Variants in CNTNAP2 observed in about 807,000 individuals in gnomAD.
CNTNAP2 encodes contactin-associated protein-like 2.
In CNTNAP2, 98 loss-of-function variants were observed where a neutral mutation model predicts 155.2. The observed-to-expected ratio is 0.63, with a 90% CI of 0.54 to 0.75. The LOEUF is 0.75. Ranked by LOEUF, CNTNAP2 falls within the 30% of genes least tolerant of loss-of-function variation. The pLI, the probability that CNTNAP2 is intolerant of heterozygous loss-of-function variation, is 0.00. For missense variants in CNTNAP2, 1,727 were observed against 1,688.1 expected (o/e 1.02, Z -0.40); for synonymous variants, 651 against 631.2 (o/e 1.03, Z -0.47).
At chr7:146,994,705 G>T (rs530187892) in intron 3 of CNTNAP2, among the ~76,000 whole-genome samples, 1 of 152,082 alleles carries the variant, frequency 6.6e-6, no homozygotes, top group African/African-American at 2.4e-5. Context: ...TATCTGTGGT[G>T]ATTTAAAACT....
At chr7:148,403,221 T>C (rs2530315) in intron 22 of CNTNAP2, among the ~76,000 whole-genome samples, 150,268 of 150,720 alleles carry the variant, frequency 1, 74,911 homozygotes, top group Middle Eastern at 1. Context: ...GGCCTGTGCT[T>C]GGTGGAGGAG....
chr7:147,795,219 G>A (rs1203120932), intron 13 of CNTNAP2, among the ~76,000 whole-genome samples: 1 of 150,676 alleles, frequency 6.6e-6, no homozygotes, highest in Non-Finnish European at 1.5e-5. Context: ...CAATCTATCT[G>A]GTTTCTTTGA....
chr7:146,247,238 AGG>A (rs1220829059), intron 1 of CNTNAP2, among the ~76,000 whole-genome samples: 1 of 152,184 alleles, frequency 6.6e-6, no homozygotes, highest in Non-Finnish European at 1.5e-5. Context: ...AGGTCTGATA[AGG>A]AAAAAGGAGC....
chr7:147,701,515 T>C (rs1796235860), intron 13 of CNTNAP2, among the ~76,000 whole-genome samples: 1 of 152,196 alleles, frequency 6.6e-6, no homozygotes, highest in African/African-American at 2.4e-5. Context: ...TTTTATTAAA[T>C]TACATATCCA....
chr7:147,958,686 A>G (rs1186218107), intron 14 of CNTNAP2, among the ~76,000 whole-genome samples: 1 of 152,220 alleles, frequency 6.6e-6, no homozygotes, highest in Non-Finnish European at 1.5e-5. Flanking sequence ...TTATCATACA[A>G]ATTCTAACAT....
At chr7:146,747,336 A>T (rs560764656) in intron 1 of CNTNAP2, among the ~76,000 whole-genome samples, 1 of 152,286 alleles carries the variant, frequency 6.6e-6, no homozygotes, top group Admixed American at 6.5e-5. Context: ...TATGGCGTAG[A>T]ATTTAGTCTT....
intron 1 of CNTNAP2, among the ~76,000 whole-genome samples, chr7:146,180,062 C>T (rs1270649990): frequency 6.6e-6 from 1 of 152,124 alleles, no homozygotes; most frequent in Middle Eastern, 3.2e-3. Context: ...AAGCACTAAA[C>T]TCTGTATGTT....
intron 21 of CNTNAP2, among the ~76,000 whole-genome samples, chr7:148,354,566 G>T (rs1181025886): frequency 1.3e-5 from 2 of 152,052 alleles, no homozygotes; most frequent in Non-Finnish European, 2.9e-5. Flanking sequence ...GTCCTCAGGA[G>T]CTCAAAAGAA....
At chr7:147,348,005 A>G (rs1259053121) in intron 9 of CNTNAP2, among the ~76,000 whole-genome samples, 1 of 151,914 alleles carries the variant, frequency 6.6e-6, no homozygotes, top group African/African-American at 2.4e-5. Context: ...CTAGACCCCC[A>G]CCTCACACAT....
chr7:147,888,832 C>G (rs1173629682), intron 13 of CNTNAP2, among the ~76,000 whole-genome samples: 1 of 150,986 alleles, frequency 6.6e-6, no homozygotes, highest in Non-Finnish European at 1.5e-5. Flanking sequence ...ACATACTACC[C>G]TCTGACCCTA....
intron 13 of CNTNAP2, among the ~76,000 whole-genome samples, chr7:147,769,650 G>T (rs889761793): frequency 6.6e-6 from 1 of 152,124 alleles, no homozygotes; most frequent in Non-Finnish European, 1.5e-5. Context: ...AGGTGAAGAA[G>T]CTGTGGATGA....
At chr7:146,508,266 A>G (rs1433223631) in intron 1 of CNTNAP2, among the ~76,000 whole-genome samples, 3 of 152,182 alleles carry the variant, frequency 2.0e-5, no homozygotes, top group African/African-American at 7.2e-5. Flanking sequence ...AGTGATACGT[A>G]TGTCCACCCG....
chr7:147,884,554 AC>A (rs1799574714), intron 13 of CNTNAP2, among the ~76,000 whole-genome samples: 1 of 152,170 alleles, frequency 6.6e-6, no homozygotes, highest in African/African-American at 2.4e-5. Flanking sequence ...TGCATTTAAT[AC>A]CAGCAGGTTA....
intron 4 of CNTNAP2, among the ~76,000 whole-genome samples, chr7:147,062,262 A>C (rs1422055499): frequency 2.0e-5 from 3 of 151,348 alleles, no homozygotes; most frequent in Non-Finnish European, 4.4e-5. Context: ...GTGTAATATC[A>C]GTATATTATT....
chr7:148,375,777 G>A (rs62470652), intron 21 of CNTNAP2, among the ~76,000 whole-genome samples: 12,481 of 28,520 alleles, frequency 0.44, 5,189 homozygotes, highest in East Asian at 0.89. Context: ...GGTGGATCAC[G>A]AGGTCAGGAG....
chr7:146,733,891 G>GT (rs1264511391), intron 1 of CNTNAP2, among the ~76,000 whole-genome samples: 1 of 152,016 alleles, frequency 6.6e-6, no homozygotes. Context: ...TTCTTTTTCT[G>GT]TTTTTGCAGG....
rs192258555 is a variant in CNTNAP2 at position 147,932,265 on chromosome 7, C to T, written c.2255+28544C>T. On this transcript the variant is annotated intron_variant, in intron 14 of 23. Transcript: ENST00000361727. ...AAGGATCCCAAATAGCTAAAACAAT[C>T]TTGAGAAAAAGAACAAAGCTGGAGG... Among the ~76,000 whole-genome samples the T allele has an allele frequency of 7.2e-5, 11 of 152,270 alleles. No individual in the cohort carries two copies. The East Asian group carries it at 1.9e-3, about 27-fold the overall frequency.
At position 146,168,200 on chromosome 7, in the gene CNTNAP2, C is replaced by G. The variant is rs533437688; in HGVS notation, c.97+51227C>G. ...AATCTCCTTTGGCAACAGACACACC[C>G]AGGAACAATACTTTGCCTTCTTCAA... On this transcript the variant is annotated intron_variant, in intron 1 of 23. Transcript: ENST00000361727. 2.0e-5 allele frequency among the ~76,000 whole-genome samples: 3 copies of G among 152,214 alleles called. No individual in the cohort carries two copies. The East Asian group carries it at 5.8e-4, about 29-fold the overall frequency.
intron 8 of CNTNAP2, among the ~76,000 whole-genome samples, chr7:147,167,953 A>T (rs1429715149): frequency 6.6e-6 from 1 of 150,486 alleles, no homozygotes; most frequent in Non-Finnish European, 1.5e-5. Context: ...TATTTACATT[A>T]TATGTGTATA....
Sources: gnomAD v4.1 joint callset for allele counts (sites outside exome capture counted in the v4.1 genomes callset) on GRCh38, gnomAD v4.1.1 for gene constraint, MANE v1.5 for transcripts, NCBI Gene and HGNC (gene_info 2026-07-23, HGNC 2026-07-21) for gene names.